The following CCNB3 variants were observed in gnomAD, a reference collection of about 807,000 sequenced individuals.
CCNB3 encodes cyclin B3.
A neutral mutation model predicts 68.0 loss-of-function variants in CCNB3; 12 were observed. That is an observed-to-expected ratio of 0.18 (90% CI 0.11 to 0.29). CCNB3 has a LOEUF of 0.29. Ranked by LOEUF, CCNB3 falls within the 10% of genes least tolerant of loss-of-function variation. The probability of loss-of-function intolerance (pLI) is 1.00; values close to 1 mark genes in which losing one functional copy is unlikely to be tolerated. For synonymous variants in CCNB3, 354 were observed against 388.9 expected (o/e 0.91, Z 1.06); for missense variants, 904 against 993.1 (o/e 0.91, Z 1.21).
chrX:50,339,949 G>C (rs1443940443), intron 8 of CCNB3, among the ~76,000 whole-genome samples: 2 of 111,460 alleles, frequency 1.8e-5, no homozygotes, highest in Admixed American at 9.5e-5. Flanking sequence ...TTCAACATGA[G>C]ATATAGAGGG....
chrX:50,279,560 AAT>A (rs1936054415), intron 1 of CCNB3, among the ~76,000 whole-genome samples: 1 of 86,617 alleles, frequency 1.2e-5, no homozygotes, highest in Non-Finnish European at 2.1e-5. Flanking sequence ...TAAATATATG[AAT>A]ATATATTTTC....
rs1557214447 is a variant in CCNB3, at chrX:50,310,115, T to C, written c.1946T>C (p.Leu649Ser). The change falls in exon 6 of 13, where the codon TTG becomes TCG. Residue 649 changes from leucine to serine, a missense_variant. Around this residue, in one of 2 missense-constraint regions of CCNB3, gnomAD observed 619 missense variants for 609.8 expected, o/e 1.02. Coordinates refer to ENST00000376042, the MANE Select transcript of CCNB3 (RefSeq NM_033031.3). ...PSALKEKHTT[L>S]QEVSLSKESL... is the part of the protein sequence containing the mutation. The stretch of plus-strand genomic sequence containing the variant: ...GCATTGAAAGAGAAGCATACCACCT[T>C]GCAGGAAGTGTCCCTCTCAAAAGAG... 8.3e-7 allele frequency: 1 copy of C among 1,211,149 alleles called. No homozygotes were observed. The highest frequency in any genetic ancestry group is 1.7e-5 in the African/African-American group (1 of 57,772).
At chrX:50,300,739 G>C (rs150748374) in intron 5 of CCNB3, among the ~76,000 whole-genome samples, 2,598 of 111,794 alleles carry the variant, frequency 0.023, 65 homozygotes, top group African/African-American at 0.081. Flanking sequence ...TTTCCATCTT[G>C]GTTCCATTCT....
In CCNB3 at chrX:50,310,027, A is replaced by G; in HGVS notation, c.1858A>G (p.Lys620Glu). ...ITSEEESFYKKLLPFKMKSTT... is the reference protein window; with the variant it reads ...ITSEEESFYKELLPFKMKSTT... ...TTCTGAGGAGGAGTCATTCTATAAGAAGCTGTTGCCCTTTAAGATGAAATC... is the reference window on the plus strand; with the variant it reads ...TTCTGAGGAGGAGTCATTCTATAAGGAGCTGTTGCCCTTTAAGATGAAATC... The change falls in exon 6 of 13, where the codon AAG becomes GAG. Residue 620 changes from lysine to glutamate, a missense_variant. Around this residue, in one of 2 missense-constraint regions of CCNB3, gnomAD observed 619 missense variants for 609.8 expected, o/e 1.02. Coordinates refer to ENST00000376042, the MANE Select transcript of CCNB3 (RefSeq NM_033031.3). The G allele has an allele frequency of 1.7e-6, 2 of 1,210,018 alleles. No individual in the cohort carries two copies. The highest frequency in any genetic ancestry group is 1.1e-6 in the Non-Finnish European group (1 of 894,295).
intron 1 of CCNB3, among the ~76,000 whole-genome samples, chrX:50,227,975 A>G (rs1425577528): frequency 2.3e-5 from 2 of 86,809 alleles, no homozygotes; most frequent in African/African-American, 8.8e-5. Context: ...AAATATATAG[A>G]GAGAATATAT....
At chrX:50,287,267 G>T (rs1557209473) in intron 3 of CCNB3, among the ~76,000 whole-genome samples, 2 of 110,976 alleles carry the variant, frequency 1.8e-5, no homozygotes. Flanking sequence ...TTTGGGAATG[G>T]GGTAAGGCAA....
At chrX:50,213,349 A>G (rs1226754405) in intron 1 of CCNB3, among the ~76,000 whole-genome samples, 2 of 112,180 alleles carry the variant, frequency 1.8e-5, no homozygotes, top group Non-Finnish European at 3.8e-5. Context: ...CCTGGGATAA[A>G]TCCCACTTGG....
At chrX:50,347,865 A>T (rs1923483962) in intron 11 of CCNB3, 90 bp downstream of exon 11, 1 of 939,996 alleles carries the variant, frequency 1.1e-6, no homozygotes, top group Non-Finnish European at 1.4e-6. Flanking sequence ...GGCCACGGGA[A>T]ACTCTTGGGG....
intron 1 of CCNB3, among the ~76,000 whole-genome samples, chrX:50,281,884 C>T (rs963713076): frequency 5.4e-5 from 6 of 111,086 alleles, no homozygotes; most frequent in East Asian, 2.8e-4. Flanking sequence ...CGTGTCCTCA[C>T]TCTATTGTTA....
intron 8 of CCNB3, among the ~76,000 whole-genome samples, chrX:50,318,327 C>T (rs781880259): frequency 8.2e-5 from 9 of 110,024 alleles, no homozygotes; most frequent in African/African-American, 3.0e-4. Context: ...GCCTGACCAA[C>T]GTGGTGAAAC....
chrX:50,226,282 T>G (rs1321056442), intron 1 of CCNB3, among the ~76,000 whole-genome samples: 8 of 60,000 alleles, frequency 1.3e-4, no homozygotes, highest in African/African-American at 7.0e-4. Context: ...TATATATATT[T>G]ATATATATAG....
chrX:50,213,897 T>A (rs1353497739), intron 1 of CCNB3, among the ~76,000 whole-genome samples: 1 of 111,758 alleles, frequency 8.9e-6, no homozygotes, highest in African/African-American at 3.2e-5. Context: ...ATAATTGATA[T>A]ATTAATACAA....
chrX:50,341,216 G>C (rs1923110879), intron 8 of CCNB3, among the ~76,000 whole-genome samples: 1 of 109,345 alleles, frequency 9.1e-6, no homozygotes, highest in Non-Finnish European at 1.9e-5. Context: ...TGTAGTCCCG[G>C]CTACCCGGGA....
intron 1 of CCNB3, among the ~76,000 whole-genome samples, chrX:50,222,218 C>T (rs999721088): frequency 3.6e-5 from 4 of 111,215 alleles, no homozygotes; most frequent in Admixed American, 2.9e-4. Flanking sequence ...ACTCTTTATC[C>T]ACTTTGCCAA....
chrX:50,343,259 A>T (rs896001261), intron 9 of CCNB3, among the ~76,000 whole-genome samples: 10 of 109,939 alleles, frequency 9.1e-5, no homozygotes, highest in Non-Finnish European at 1.9e-4. Flanking sequence ...TTATTTTATT[A>T]TTATTATTAT....
chrX:50,304,513 T>G (rs899716853), intron 5 of CCNB3, among the ~76,000 whole-genome samples: 1 of 111,714 alleles, frequency 9.0e-6, no homozygotes, highest in Non-Finnish European at 1.9e-5. Flanking sequence ...CAAGATGGAT[T>G]AAAGACTTAA....
chrX:50,228,621 T>TATATAGAATATAC (rs1383247005), intron 1 of CCNB3, among the ~76,000 whole-genome samples: 13 of 85,145 alleles, frequency 1.5e-4, no homozygotes, highest in Non-Finnish European at 2.8e-4. Flanking sequence ...ATATAGAATA[T>TATATAGAATATAC]ATATAGAATA....
chrX:50,330,023 A>C (rs1162999438), intron 8 of CCNB3, among the ~76,000 whole-genome samples: 2 of 111,948 alleles, frequency 1.8e-5, no homozygotes, highest in African/African-American at 3.3e-5. Flanking sequence ...GTCGCAGACA[A>C]GAACCCCTCG....
chrX:50,299,320 C>G (rs1295135129), intron 5 of CCNB3, among the ~76,000 whole-genome samples: 2 of 111,354 alleles, frequency 1.8e-5, no homozygotes, highest in Non-Finnish European at 3.8e-5. Context: ...CCCATAGATT[C>G]TGGTATGTTG....
Sources: gnomAD v4.1 joint callset for allele counts (sites outside exome capture counted in the v4.1 genomes callset) on GRCh38, gnomAD v4.1.1 for gene constraint, gnomAD v4.1.1 regional missense constraint, MANE v1.5 for transcripts, NCBI Gene and HGNC (gene_info 2026-07-23, HGNC 2026-07-21) for gene names.